CHLSN: variants seen among roughly 807,000 people sequenced by gnomAD.
CHLSN encodes the protein protein cholesin.
chr7:1,086,192 G>A, the CHLSN span, among the ~76,000 whole-genome samples: 2 of 152,276 alleles, frequency 1.3e-5, no homozygotes, highest in Admixed American at 1.3e-4. Flanking sequence ...GCTGGGATGG[G>A]CAGAGAGACC....
At chr7:1,037,825 A>G in the CHLSN span, among the ~76,000 whole-genome samples, 2 of 43,646 alleles carry the variant, frequency 4.6e-5, no homozygotes, top group Non-Finnish European at 9.4e-5. Flanking sequence ...AGCCGCCATC[A>G]CATCTAGGAA....
the CHLSN span, among the ~76,000 whole-genome samples, chr7:1,041,325 A>G: frequency 1.6e-5 from 2 of 121,264 alleles, no homozygotes; most frequent in African/African-American, 3.3e-5. Context: ...GCTGCGGGGA[A>G]GGGGGCCTGG....
chr7:1,026,820 G>A, the CHLSN span: 6 of 152,284 alleles, frequency 3.9e-5, no homozygotes, highest in South Asian at 2.1e-4. Flanking sequence ...ACAAAGCTAC[G>A]TGGATTTTCC....
the CHLSN span, among the ~76,000 whole-genome samples, chr7:1,006,759 G>A: frequency 2.0e-5 from 3 of 151,962 alleles, no homozygotes; most frequent in Non-Finnish European, 4.4e-5. Context: ...CCACATTGCA[G>A]GGAAAGAGCA....
chr7:1,131,604 A>G, the CHLSN span, among the ~76,000 whole-genome samples: 9 of 152,242 alleles, frequency 5.9e-5, no homozygotes, highest in African/African-American at 2.2e-4. Context: ...TAGCTATGTA[A>G]TAAGAAATCT....
the CHLSN span, among the ~76,000 whole-genome samples, chr7:1,031,036 G>C: frequency 6.6e-6 from 1 of 152,172 alleles, no homozygotes; most frequent in Non-Finnish European, 1.5e-5. Flanking sequence ...GCCTTGGCTT[G>C]AAGCATCAGT....
chr7:1,062,158 T>A, the CHLSN span, among the ~76,000 whole-genome samples: 82 of 152,350 alleles, frequency 5.4e-4, no homozygotes, highest in African/African-American at 2.0e-3. Flanking sequence ...AAAAAAACCT[T>A]GCCCTGCTTC....
At chr7:1,055,918 C>A in the CHLSN span, among the ~76,000 whole-genome samples, 1 of 152,188 alleles carries the variant, frequency 6.6e-6, no homozygotes, top group Non-Finnish European at 1.5e-5. Flanking sequence ...TGGGGGGTGA[C>A]GTCCCCAAAC....
chr7:1,061,008 G>A, the CHLSN span, among the ~76,000 whole-genome samples: 1 of 152,154 alleles, frequency 6.6e-6, no homozygotes, highest in Non-Finnish European at 1.5e-5. Flanking sequence ...CTTCCTGGCC[G>A]ATACTTTCCA....
chr7:1,063,821 G>A, the CHLSN span, among the ~76,000 whole-genome samples: 325 of 152,308 alleles, frequency 2.1e-3, 1 homozygote, highest in African/African-American at 6.9e-3. Flanking sequence ...TCTGAATGTG[G>A]GCCCTTGCCA....
At chr7:981,220 C>G in the CHLSN span, among the ~76,000 whole-genome samples, 1 of 149,558 alleles carries the variant, frequency 6.7e-6, no homozygotes, top group Non-Finnish European at 1.5e-5. Context: ...CACTTGAACA[C>G]GGGCGATGGA....
the CHLSN span, among the ~76,000 whole-genome samples, chr7:1,133,409 A>AAAACAAAAC: frequency 1.6e-3 from 243 of 149,530 alleles, no homozygotes; most frequent in Middle Eastern, 3.4e-3. Flanking sequence ...AAAAAAAAAA[A>AAAACAAAAC]AAAACTATAA....
the CHLSN span, among the ~76,000 whole-genome samples, chr7:1,048,128 A>G: frequency 6.6e-6 from 1 of 152,310 alleles, no homozygotes; most frequent in East Asian, 1.9e-4. Flanking sequence ...AGGACGAGCC[A>G]GTGTTTGCTG....
the CHLSN span, among the ~76,000 whole-genome samples, chr7:999,136 C>A: frequency 6.6e-6 from 1 of 152,062 alleles, no homozygotes; most frequent in African/African-American, 2.4e-5. Context: ...TTTGCCTAAC[C>A]AAGGATTATT....
chr7:1,075,139 G>A, the CHLSN span, among the ~76,000 whole-genome samples: 5 of 152,202 alleles, frequency 3.3e-5, no homozygotes, highest in Non-Finnish European at 2.9e-5. Flanking sequence ...TGGCCTCACT[G>A]AATTCTCCTG....
At chr7:984,379 G>A in the CHLSN span, 16 of 1,541,358 alleles carry the variant, frequency 1.0e-5, no homozygotes, top group Non-Finnish European at 1.4e-5. Context: ...TGTGGGTGAG[G>A]GCTGCCCGGG....
the CHLSN span, among the ~76,000 whole-genome samples, chr7:1,123,670 C>T: frequency 2.6e-4 from 39 of 152,018 alleles, no homozygotes; most frequent in Non-Finnish European, 4.9e-4. The surrounding 1 kb of genome is among the most constrained non-coding windows in gnomAD (Gnocchi z 4.4). Flanking sequence ...TTAGCAGAGA[C>T]ACCCCATTTC....
chr7:1,118,777 G>GA, the CHLSN span, among the ~76,000 whole-genome samples: 2 of 109,158 alleles, frequency 1.8e-5, no homozygotes, highest in Non-Finnish European at 3.4e-5. Flanking sequence ...CCCTGGGCAA[G>GA]ATAGTGAGAC....
chr7:1,133,691 T>C, the CHLSN span, among the ~76,000 whole-genome samples: 100 of 149,288 alleles, frequency 6.7e-4, no homozygotes, highest in African/African-American at 2.3e-3. Context: ...GAGGCGGAGA[T>C]TGCAGTGAGC....
Sources: gnomAD v4.1 joint callset for allele counts (sites outside exome capture counted in the v4.1 genomes callset) on GRCh38, gnomAD v4.1.1 for gene constraint, Gnocchi (gnomAD v3.1) non-coding constraint, MANE v1.5 for transcripts, NCBI Gene and HGNC (gene_info 2026-07-23, HGNC 2026-07-21) for gene names.